The following DLX4 variants were observed in gnomAD, a reference collection of about 807,000 sequenced individuals.
DLX4 encodes homeobox protein DLX-4.
In DLX4, 13 loss-of-function variants were observed where a neutral mutation model predicts 17.1. The observed-to-expected ratio is 0.76, with a 90% CI of 0.49 to 1.21. DLX4 has a LOEUF of 1.21. Among genes scored for constraint, DLX4 ranks in the 50% most tolerant of loss-of-function variants. DLX4 has a pLI of 0.00. For missense variants in DLX4, 297 were observed against 301.4 expected (o/e 0.99, Z 0.11); for synonymous variants, 129 against 140.3 (o/e 0.92, Z 0.57).
Position 49,969,656 on chromosome 17 carries a change from C to A in DLX4, c.188C>A (p.Ala63Glu), listed in dbSNP as rs777534237. 9 of 1,610,342 alleles carry A rather than the reference C, an allele frequency of 5.6e-6. No homozygotes were observed. The highest frequency in any genetic ancestry group is 7.6e-6 in the Non-Finnish European group (9 of 1,179,882). ...HLLSYPYTEP[A>E]NPGDSYLSCQ... Reference sequence around the variant, plus strand: ...CTGTCTTACCCCTACACCGAGCCAGCGAACCCCGGAGACTCCTACCTGTCC... The same window carrying A: ...CTGTCTTACCCCTACACCGAGCCAGAGAACCCCGGAGACTCCTACCTGTCC... Residue 63 changes from alanine to glutamate, a missense_variant, in exon 1 of 3, where the codon GCG (alanine) becomes GAG (glutamate). Coordinates refer to ENST00000240306, the MANE Select transcript of DLX4 (RefSeq NM_138281.3).
At position 49,969,498 on chromosome 17, in the gene DLX4, C is replaced by T. The variant is rs1477841574; in HGVS notation, c.30C>T (p.Gly10=). 1 of 1,604,140 alleles carries T rather than the reference C, an allele frequency of 6.2e-7. No individual in the cohort carries two copies. MTSLPCPLP[G]RDASKAVFPD... is the part of the protein sequence containing the mutation. The stretch of plus-strand genomic sequence containing the variant: ...CCTCTTTGCCCTGCCCCCTCCCCGG[C>T]CGGGACGCCTCCAAAGCTGTCTTCC... The change falls in exon 1 of 3, where the codon GGC becomes GGT. Residue 10 remains glycine, a synonymous_variant. Coordinates refer to ENST00000240306, the MANE Select transcript of DLX4 (RefSeq NM_138281.3).
rs1229483093 is a variant in DLX4 at position 49,972,505 on chromosome 17, A to G, written c.284-568A>G. On this transcript the variant is annotated intron_variant, in intron 1 of 2. Coordinates refer to ENST00000240306, the MANE Select transcript of DLX4 (RefSeq NM_138281.3). This position sits in a 1 kb window ranked among gnomAD's most constrained non-coding sequence, Gnocchi z 5.4. ...GCAGCCCGTTACAGTAGGCGAGGCC[A>G]GGGCAAACCCGGGGTCACTATCAGC... The G allele has an allele frequency of 6.3e-6, 1 of 158,926 alleles. No homozygotes were observed. The highest frequency in any genetic ancestry group is 1.4e-5 in the Non-Finnish European group (1 of 73,686). 9.8% of individuals were successfully genotyped at this position (158,926 alleles called of 1,614,324 possible).
At position 49,973,085 on chromosome 17, in the gene DLX4, C is replaced by T. The variant is rs1266329381; in HGVS notation, c.296C>T (p.Pro99Leu). 17 of 1,614,098 alleles carry T rather than the reference C, an allele frequency of 1.1e-5. No individual in the cohort carries two copies. The highest frequency in any genetic ancestry group is 1.4e-5 in the Non-Finnish European group (17 of 1,179,964). The part of the protein sequence containing the change: ...PQELEADSEK[P>L]RLSPEPSERR... The stretch of plus-strand genomic sequence containing the variant: ...TGCTGCCCACCAGACTCGGAGAAGC[C>T]GCGGCTGTCCCCGGAACCCTCCGAG... The change falls in exon 2 of 3, where the codon CCG (proline) becomes CTG (leucine). Residue 99 changes from proline (P) to leucine (L), a missense_variant. Physicochemically the swap from Pro to Leu is moderately conservative, Grantham distance 98 (BLOSUM62 -3). Transcript: ENST00000240306.
At chr17:49,970,946 C>G (rs1413994466) in intron 1 of DLX4, among the ~76,000 whole-genome samples, 6 of 152,216 alleles carry the variant, frequency 3.9e-5, no homozygotes, top group African/African-American at 9.6e-5. Flanking sequence ...TCCAACCCCC[C>G]CAAAATTAAC....
rs933773853 is a variant in DLX4 at position 49,969,299 on chromosome 17, C to A, written c.-170C>A. 3.7e-5 allele frequency: 27 copies of A among 726,214 alleles called. No individual in the cohort carries two copies. Among genetic ancestry groups the A allele is most frequent in the Non-Finnish European group, 5.1e-5 (25 of 489,048 alleles). The allele number at this position is 726,214 out of a possible 1,614,324, so 45.0% of individuals were successfully genotyped here. On this transcript the variant is annotated 5_prime_UTR_variant, in exon 1 of 3. Transcript: ENST00000240306. ...CCCCGGAACCCCTTTCCCAGGCGCGCGTTCTCCGCTGAAAGAGGCTCAGAG... is the reference window on the plus strand; with the variant it reads ...CCCCGGAACCCCTTTCCCAGGCGCGAGTTCTCCGCTGAAAGAGGCTCAGAG...
At chr17:49,970,159 C>G (rs1319369073) in intron 1 of DLX4, among the ~76,000 whole-genome samples, 2 of 152,184 alleles carry the variant, frequency 1.3e-5, no homozygotes, top group African/African-American at 2.4e-5. Flanking sequence ...TGTCGCCCCT[C>G]TCTGCGTTAG....
chr17:49,969,281 A>C lies in DLX4; in HGVS notation c.-188A>C. On this transcript the variant is annotated 5_prime_UTR_variant, in exon 1 of 3. Coordinates refer to ENST00000240306, the MANE Select transcript of DLX4 (RefSeq NM_138281.3). ...AAGTCATGGGGGGCACCCCCCCGGA[A>C]CCCCTTTCCCAGGCGCGCGTTCTCC... 3.3e-6 allele frequency: 2 copies of C among 599,398 alleles called. No individual in the cohort carries two copies. The highest frequency in any genetic ancestry group is 5.2e-6 in the Non-Finnish European group (2 of 383,398). The allele number at this position is 599,398 out of a possible 1,614,324, so 37.1% of individuals were successfully genotyped here.
Position 49,973,088 on chromosome 17 carries a change from G to C in DLX4, c.299G>C (p.Arg100Pro), listed in dbSNP as rs1905577220. The C allele has an allele frequency of 6.2e-7, 1 of 1,614,014 alleles. No individual in the cohort carries two copies. The highest frequency in any genetic ancestry group is 1.7e-5 in the Admixed American group (1 of 60,014). The change falls in exon 2 of 3, where the codon CGG (arginine) becomes CCG (proline). Residue 100 changes from arginine to proline, a missense_variant. Physicochemically the swap from Arg to Pro is moderately radical, Grantham distance 103. Coordinates refer to ENST00000240306, the MANE Select transcript of DLX4 (RefSeq NM_138281.3). ...QELEADSEKP[R>P]LSPEPSERRP... ...TGCCCACCAGACTCGGAGAAGCCGC[G>C]GCTGTCCCCGGAACCCTCCGAGCGG...
chr17:49,974,759 G>A lies in DLX4; in HGVS notation c.*816G>A, dbSNP rs901139114. ...CACACACTTTTGGAAACCTGGTAAA[G>A]TAACACTTAGGGGGAAATGGGGACA... On this transcript the variant is annotated 3_prime_UTR_variant, in exon 3 of 3. Coordinates refer to ENST00000240306, the MANE Select transcript of DLX4 (RefSeq NM_138281.3). 6.6e-6 allele frequency: 1 copy of A among 152,146 alleles called. No homozygotes were observed. The highest frequency in any genetic ancestry group is 1.9e-4 in the East Asian group (1 of 5,188). The allele number at this position is 152,146 out of a possible 1,614,324, so 9.4% of individuals were successfully genotyped here. A position where few individuals can be genotyped will look rare whatever the true frequency, so the allele number is the denominator to read the frequency against.
At chr17:49,971,496 G>C (rs1905502610) in intron 1 of DLX4, among the ~76,000 whole-genome samples, 2 of 152,164 alleles carry the variant, frequency 1.3e-5, no homozygotes, top group Non-Finnish European at 2.9e-5. Flanking sequence ...CCATGATCGC[G>C]ACCCGGGCAG....
rs747049496 is a variant in DLX4 at position 49,973,341 on chromosome 17, C to A, written c.480+72C>A. On this transcript the variant is annotated intron_variant, in intron 2 of 2. Coordinates refer to ENST00000240306, the MANE Select transcript of DLX4 (RefSeq NM_138281.3). ...CTGGGAACTCATCCCCCAGCCCCAG[C>A]TGTGAATGACTGATGGATTGGTGCT... The A allele has an allele frequency of 7.1e-6, 11 of 1,552,294 alleles. No individual in the cohort carries two copies. In the South Asian group the frequency reaches 1.3e-4, roughly 18 times the overall value.
In DLX4 at chr17:49,972,808, C is replaced by A; in HGVS notation, c.284-265C>A. ...CCCTGGCTGTGGCCCTCGGCGCTTT[C>A]TTCCTAGGGTCACAGGACCCATACG... On this transcript the variant is annotated intron_variant, in intron 1 of 2. Transcript: ENST00000240306. This position sits in a 1 kb window ranked among gnomAD's most constrained non-coding sequence, Gnocchi z 5.4. 1 of 1,393,274 alleles carries A rather than the reference C, an allele frequency of 7.2e-7. No homozygotes were observed. The highest frequency in any genetic ancestry group is 3.3e-5 in the Admixed American group (1 of 30,050). The allele number at this position is 1,393,274 out of a possible 1,614,324, so 86.3% of individuals were successfully genotyped here.
Position 49,974,793 on chromosome 17 carries a change from C to G in DLX4, c.*850C>G, listed in dbSNP as rs1246888278. On this transcript the variant is annotated 3_prime_UTR_variant, in exon 3 of 3. Transcript: ENST00000240306. ...AGGGGGAAATGGGGACAAACTGGCT[C>G]TCTGGATTAGTGCGGGTATAGACAC... 1 of 152,160 alleles carries G rather than the reference C, an allele frequency of 6.6e-6. No homozygotes were observed. Among genetic ancestry groups the G allele is most frequent in the African/African-American group, 2.4e-5 (1 of 41,414 alleles). 9.4% of individuals were successfully genotyped at this position (152,160 alleles called of 1,614,324 possible). A position where few individuals can be genotyped will look rare whatever the true frequency, so the allele number is the denominator to read the frequency against.
rs1260815691 is a variant in DLX4, at chr17:49,972,083, G to C, written c.284-990G>C. 23 of 152,232 alleles carry C rather than the reference G, an allele frequency of 1.5e-4. No individual in the cohort carries two copies. Among genetic ancestry groups the C allele is most frequent in the Admixed American group, 1.5e-3 (23 of 15,280 alleles). 9.4% of individuals were successfully genotyped at this position (152,232 alleles called of 1,614,324 possible). A position where few individuals can be genotyped will look rare whatever the true frequency, so the allele number is the denominator to read the frequency against. On this transcript the variant is annotated intron_variant, in intron 1 of 2. Transcript: ENST00000240306. The surrounding 1 kb of genome is among the most constrained non-coding windows in gnomAD (Gnocchi z 5.4). ...TCCGCCCTACTCCTCCCATTGCCTG[G>C]GACCTCTGCAGCGTCCCCGTAGAGC...
At chr17:49,968,598 G>T (rs1336698949), upstream of DLX4, among the ~76,000 whole-genome samples, 1 of 152,080 alleles carries the variant, frequency 6.6e-6, no homozygotes, top group South Asian at 2.1e-4. Flanking sequence ...ACGCAGGGCG[G>T]TGGGGTGCAG....
Position 49,972,782 on chromosome 17 carries a change from A to C in DLX4, c.284-291A>C. On this transcript the variant is annotated intron_variant, in intron 1 of 2. Coordinates refer to ENST00000240306, the MANE Select transcript of DLX4 (RefSeq NM_138281.3). This position sits in a 1 kb window ranked among gnomAD's most constrained non-coding sequence, Gnocchi z 5.4. The stretch of plus-strand genomic sequence containing the variant: ...GACCTCCCACCGCAGGCGCCGCGGT[A>C]CCCTGGCTGTGGCCCTCGGCGCTTT... 1 of 1,381,918 alleles carries C rather than the reference A, an allele frequency of 7.2e-7. No homozygotes were observed. Among genetic ancestry groups the C allele is most frequent in the Non-Finnish European group, 9.3e-7 (1 of 1,073,120 alleles). 85.6% of individuals were successfully genotyped at this position (1,381,918 alleles called of 1,614,324 possible).
upstream of DLX4, among the ~76,000 whole-genome samples, chr17:49,968,727 C>A (rs1299610071): frequency 6.6e-6 from 1 of 152,192 alleles, no homozygotes; most frequent in Non-Finnish European, 1.5e-5. Flanking sequence ...TATTTACCAA[C>A]AAACTGCCGG....
chr17:49,972,978 GGC>G lies in DLX4; in HGVS notation c.284-94_284-93del. The G allele has an allele frequency of 1.3e-6, 2 of 1,545,282 alleles. No homozygotes were observed. Among genetic ancestry groups the G allele is most frequent in the South Asian group, 2.5e-5 (2 of 81,036 alleles). The stretch of plus-strand genomic sequence containing the variant: ...GCGCTTTTTGCTATTTGCTGCCGAC[GGC>G]ATGCAGACGAGATGCAAATAAGCTT... On this transcript the variant is annotated intron_variant, in intron 1 of 2. Coordinates refer to ENST00000240306, the MANE Select transcript of DLX4 (RefSeq NM_138281.3). This position sits in a 1 kb window ranked among gnomAD's most constrained non-coding sequence, Gnocchi z 5.4.
chr17:49,973,365 C>T (rs1380827272), intron 2 of DLX4, 96 bp downstream of exon 2: 1 of 1,488,842 alleles, frequency 6.7e-7, no homozygotes, highest in East Asian at 2.4e-5. Flanking sequence ...TGGATTGGTG[C>T]TGTGGCCCTG....
Sources: allele counts gnomAD v4.1 joint callset (sites outside exome capture counted in the v4.1 genomes callset), GRCh38; gene constraint gnomAD v4.1.1; non-coding constraint Gnocchi (gnomAD v3.1); transcripts MANE v1.5; gene names NCBI Gene and HGNC (gene_info 2026-07-23, HGNC 2026-07-21).